CANX: variants seen among roughly 807,000 people sequenced by gnomAD.
CANX encodes epididymis secretory sperm binding protein.
In CANX, 14 loss-of-function variants were observed where a neutral mutation model predicts 75.7. That is an observed-to-expected ratio of 0.19 (90% confidence interval 0.12 to 0.29). The LOEUF (loss-of-function observed/expected upper bound fraction) is 0.29, where lower values mean the gene tolerates loss of function less well. CANX is among the 10% of genes least tolerant of loss of function. The pLI, the probability that CANX is intolerant of heterozygous loss-of-function variation, is 1.00. For missense variants in CANX, 567 were observed against 713.2 expected, an observed-to-expected ratio of 0.79 and a Z score of 2.34; for synonymous variants, 227 against 236.9, an observed-to-expected ratio of 0.96 and a Z score of 0.38.
Position 179,720,399 on chromosome 5 carries a change from C to T in CANX, c.1026-5C>T, listed in dbSNP as rs369245931. The T allele has an allele frequency of 3.7e-5, 60 of 1,613,266 alleles. No homozygotes were observed. Among genetic ancestry groups the T allele is most frequent in the African/African-American group, 2.5e-4 (19 of 75,004 alleles). ...GTTTATAATTTGTTGTTTGTACCTC[C>T]GTAGGGATGAAGACATGGATGGAGA... On this transcript the variant is annotated splice_polypyrimidine_tract_variant and splice_region_variant and intron_variant, in intron 9 of 14. Transcript: ENST00000247461.
intron 7 of CANX, 166 bp from the exon 8 acceptor site, chr5:179,715,937 GAA>G (rs375257538): frequency 1.4e-6 from 1 of 694,876 alleles, no homozygotes; most frequent in East Asian, 2.7e-5. Context: ...CGTGCATAAG[GAA>G]ATGGGCGTTA....
chr5:179,705,797 T>C lies in CANX; in HGVS notation c.116T>C (p.Ile39Thr), dbSNP rs769409264. ...ATTGAGGATGACCTTGACGATGTCA[T>C]TGAAGAGGTAGAAGACTCAAAACCA... ...IDIEDDLDDVIEEVEDSKPDT... is the reference protein window; with the variant it reads ...IDIEDDLDDVTEEVEDSKPDT... The change falls in exon 2 of 15, where the codon ATT (isoleucine) becomes ACT (threonine). Residue 39 changes from isoleucine to threonine, a missense_variant. Ile to Thr is a moderately conservative substitution (Grantham distance 89). This residue lies in a region of CANX where 351 missense variants were observed against 433.8 expected (regional missense o/e 0.81). Transcript: ENST00000247461. The C allele has an allele frequency of 1.3e-5, 21 of 1,613,296 alleles. No homozygotes were observed. Among genetic ancestry groups the C allele is most frequent in the East Asian group, 2.2e-5 (1 of 44,876 alleles).
upstream of CANX, chr5:179,694,144 CAAAAAAAAAAAAA>C (rs55708497): frequency 1.5e-4 from 16 of 104,034 alleles, no homozygotes; most frequent in African/African-American, 6.0e-4. Flanking sequence ...AACTCCGTCT[CAAAAAAAAAAAAA>C]AAAAAAAAAA....
intron 7 of CANX, among the ~76,000 whole-genome samples, chr5:179,713,515 G>A (rs1777722006): frequency 6.6e-6 from 1 of 152,156 alleles, no homozygotes; most frequent in East Asian, 1.9e-4. Context: ...TAAGGTAGAA[G>A]GAATAAATTC....
intron 5 of CANX, among the ~76,000 whole-genome samples, chr5:179,708,647 A>T (rs1456106413): frequency 6.6e-6 from 1 of 151,174 alleles, no homozygotes; most frequent in Non-Finnish European, 1.5e-5. Context: ...AGTTTTTGTA[A>T]TTAATTAATT....
chr5:179,683,418 C>G (rs979293678), intron 1 of CANX, among the ~76,000 whole-genome samples: 4 of 152,088 alleles, frequency 2.6e-5, no homozygotes, highest in Non-Finnish European at 5.9e-5. Context: ...CAGGTGTGAG[C>G]CACCGCGCCC....
chr5:179,715,410 C>T (rs958208325), intron 7 of CANX, among the ~76,000 whole-genome samples: 34 of 152,084 alleles, frequency 2.2e-4, no homozygotes, highest in African/African-American at 8.0e-4. Context: ...GGCACGGGGC[C>T]GTCTGTAGTT....
chr5:179,719,614 G>C, intron 8 of CANX, 54 bp from the exon 9 acceptor site: 2 of 932,594 alleles, frequency 2.1e-6, no homozygotes, highest in Non-Finnish European at 3.4e-6. Context: ...TCCACAAAGT[G>C]GTACTATACT....
At chr5:179,693,088 G>A (rs1324264673) in intron 1 of CANX, among the ~76,000 whole-genome samples, 2 of 143,492 alleles carry the variant, frequency 1.4e-5, no homozygotes, top group African/African-American at 5.0e-5. Context: ...GGTGGTTGCA[G>A]TGAGCCGAGA....
chr5:179,679,283 G>A, intron 1 of CANX: 1 of 1,506,936 alleles, frequency 6.6e-7, no homozygotes, highest in Admixed American at 2.1e-5. Context: ...ACAAGAGTCC[G>A]GGTGAGCAGC....
chr5:179,697,972 C>T (rs1776462432), upstream of CANX, among the ~76,000 whole-genome samples: 3 of 152,286 alleles, frequency 2.0e-5, no homozygotes, highest in South Asian at 6.2e-4. Context: ...CTTTCTTCCC[C>T]TTCCCGGTGG....
At chr5:179,680,761 T>C (rs1410885060) in intron 1 of CANX, 7 of 760,510 alleles carry the variant, frequency 9.2e-6, no homozygotes, top group East Asian at 8.4e-5. Flanking sequence ...CTTCTGCCCA[T>C]GGGCAGTGAG....
At chr5:179,703,059 A>C (rs916614553) in intron 1 of CANX, among the ~76,000 whole-genome samples, 5 of 151,840 alleles carry the variant, frequency 3.3e-5, no homozygotes, top group African/African-American at 1.2e-4. Context: ...GTGAGCCACC[A>C]CGCCCAGCCT....
At chr5:179,686,250 AC>A (rs138606929) in intron 1 of CANX, among the ~76,000 whole-genome samples, 52,806 of 151,146 alleles carry the variant, frequency 0.35, 9,481 homozygotes, top group South Asian at 0.53. Context: ...GGCACGCGCC[AC>A]CACACCCAGC....
chr5:179,705,374 T>TG (rs5873663), intron 1 of CANX, among the ~76,000 whole-genome samples: 2,032 of 152,368 alleles, frequency 0.013, 40 homozygotes, highest in African/African-American at 0.047. Flanking sequence ...ACTTTACAAA[T>TG]GCAAAAGTTT....
chr5:179,708,801 T>C (rs557714587), intron 5 of CANX, among the ~76,000 whole-genome samples, 177 bp from the exon 6 acceptor site: 1 of 152,356 alleles, frequency 6.6e-6, no homozygotes, highest in African/African-American at 2.4e-5. Context: ...TTTAATTTTA[T>C]TTATTTTTGT....
chr5:179,724,029 C>T (rs77335246), intron 12 of CANX, among the ~76,000 whole-genome samples: 12 of 151,976 alleles, frequency 7.9e-5, no homozygotes, highest in African/African-American at 2.2e-4. Context: ...CCATAGTGTT[C>T]GGCAGCAACT....
intron 1 of CANX, among the ~76,000 whole-genome samples, chr5:179,691,789 A>AT (rs1159984812): frequency 1.3e-5 from 2 of 151,730 alleles, no homozygotes; most frequent in East Asian, 3.9e-4. Flanking sequence ...TAATTTATTT[A>AT]TTTTTTGAGA....
chr5:179,725,463 C>T (rs950619050), intron 13 of CANX, among the ~76,000 whole-genome samples: 1 of 151,412 alleles, frequency 6.6e-6, no homozygotes, highest in Non-Finnish European at 1.5e-5. Context: ...AGGCAGATCA[C>T]GAGGTCAGGA....
Sources: gnomAD v4.1 joint callset for allele counts (sites outside exome capture counted in the v4.1 genomes callset) on GRCh38, gnomAD v4.1.1 for gene constraint, gnomAD v4.1.1 regional missense constraint, MANE v1.5 for transcripts, NCBI Gene and HGNC (gene_info 2026-07-23, HGNC 2026-07-21) for gene names.